The following ZNF678 variants were observed in gnomAD, a reference collection of about 807,000 sequenced individuals.
The protein encoded by ZNF678 is hypothetical protein MGC42493.
Under a neutral mutation model 3.0 loss-of-function variants are expected in ZNF678, and 5 were observed. The ratio of observed to expected loss-of-function variants is 1.69; its 90% CI spans 0.88 to 3.56. The LOEUF is 3.56. Among genes scored for constraint, ZNF678 ranks in the 30% most tolerant of loss-of-function variants. The pLI is 0.00. For missense variants in ZNF678, 593 were observed against 605.0 expected, an observed-to-expected ratio of 0.98 and a Z score of 0.21; for synonymous variants, 218 against 199.6, an observed-to-expected ratio of 1.09 and a Z score of -0.78.
At chr1:227,632,487 C>T (rs1658571446) in intron 1 of ZNF678, among the ~76,000 whole-genome samples, 1 of 152,108 alleles carries the variant, frequency 6.6e-6, no homozygotes, top group Non-Finnish European at 1.5e-5. Flanking sequence ...TCTCGACCGG[C>T]CAATGCTGTG....
chr1:227,563,961 A>G (rs1053879595), intron 1 of ZNF678, among the ~76,000 whole-genome samples: 1 of 152,220 alleles, frequency 6.6e-6, no homozygotes. Context: ...TGCTTTGTCC[A>G]GAGGGGAGGG....
rs115138381 is a variant in ZNF678 at position 227,632,262 on chromosome 1, A to G, written c.-163-14282A>G. Among the ~76,000 whole-genome samples the G allele has an allele frequency of 4.0e-3, 614 of 152,282 alleles. 5 individuals carry two copies. Among genetic ancestry groups the G allele is most frequent in the African/African-American group, 0.014 (583 of 41,546 alleles). Reference sequence around the variant, plus strand: ...AGCTTCCTTAGATCCCTTTGAAGTTACAAATTGCTCTAATACTTGGGAGAG... The same window carrying G: ...AGCTTCCTTAGATCCCTTTGAAGTTGCAAATTGCTCTAATACTTGGGAGAG... On this transcript the variant is annotated intron_variant, in intron 1 of 3. Coordinates refer to ENST00000343776, the MANE Select transcript of ZNF678 (RefSeq NM_001367909.1).
chr1:227,671,559 A>G (rs1295252030), intron 5 of ZNF678, among the ~76,000 whole-genome samples: 1 of 152,170 alleles, frequency 6.6e-6, no homozygotes, highest in East Asian at 1.9e-4. Flanking sequence ...TCTCCATCCA[A>G]CACTTGCAGG....
chr1:227,594,062 G>A (rs1407819556), intron 1 of ZNF678, among the ~76,000 whole-genome samples: 2 of 151,986 alleles, frequency 1.3e-5, no homozygotes, highest in East Asian at 3.8e-4. Context: ...AAAGGAAAGT[G>A]GAAGATAAAT....
At chr1:227,631,107 T>C (rs1252709179) in intron 1 of ZNF678, among the ~76,000 whole-genome samples, 1 of 152,110 alleles carries the variant, frequency 6.6e-6, no homozygotes, top group Non-Finnish European at 1.5e-5. Context: ...AGAATACATC[T>C]TAGGGGCGTT....
chr1:227,606,841 A>G (rs377558569), intron 1 of ZNF678, among the ~76,000 whole-genome samples: 1 of 152,288 alleles, frequency 6.6e-6, no homozygotes, highest in African/African-American at 2.4e-5. Flanking sequence ...ACAGCCCCAA[A>G]TCCCTTAAAC....
chr1:227,635,033 T>C (rs10916186), intron 1 of ZNF678, among the ~76,000 whole-genome samples: 34,614 of 151,184 alleles, frequency 0.23, 4,382 homozygotes, highest in East Asian at 0.44. Context: ...GCAGAGACTC[T>C]GTTTGTTTTG....
chr1:227,638,969 G>A lies in ZNF678; in HGVS notation c.-163-7575G>A, dbSNP rs148698890. On this transcript the variant is annotated intron_variant, in intron 1 of 3. Transcript: ENST00000343776. The surrounding 1 kb of genome is among the most constrained non-coding windows in gnomAD (Gnocchi z 4.2). ...TTGCCACCATCAGGGTTACCACTTG[G>A]CTCGGATGAAGCGATGGTAGTTGCC... Among the ~76,000 whole-genome samples, 1 of 152,330 alleles carries A rather than the reference G, an allele frequency of 6.6e-6. No individual in the cohort carries two copies. Among genetic ancestry groups the A allele is most frequent in the East Asian group, 1.9e-4 (1 of 5,182 alleles).
At chr1:227,598,790 A>G (rs1220272613) in intron 1 of ZNF678, 6 of 546,238 alleles carry the variant, frequency 1.1e-5, no homozygotes, top group Admixed American at 2.7e-5. Context: ...CTTGTTTCTT[A>G]TCCTCATTTT....
chr1:227,676,082 A>G (rs1289090278), intron 5 of ZNF678, among the ~76,000 whole-genome samples: 1 of 152,220 alleles, frequency 6.6e-6, no homozygotes. Context: ...TGCTTGGGAC[A>G]TTTAACAATT....
At chr1:227,607,365 T>TACC (rs1657900407) in intron 1 of ZNF678, among the ~76,000 whole-genome samples, 2 of 152,288 alleles carry the variant, frequency 1.3e-5, no homozygotes, top group South Asian at 4.1e-4. Flanking sequence ...ACTTCATACC[T>TACC]ACCACTCAGA....
At chr1:227,599,723 GAATT>G (rs1447109117) in intron 1 of ZNF678, among the ~76,000 whole-genome samples, 1 of 152,010 alleles carries the variant, frequency 6.6e-6, no homozygotes, top group Non-Finnish European at 1.5e-5. Flanking sequence ...AATCTTTGAA[GAATT>G]AATAAACACC....
At chr1:227,591,289 A>G (rs1657407257) in intron 1 of ZNF678, among the ~76,000 whole-genome samples, 2 of 147,494 alleles carry the variant, frequency 1.4e-5, no homozygotes, top group African/African-American at 5.1e-5. Context: ...AAGGGTTATT[A>G]CTAGTTCTAA....
chr1:227,565,335 A>T (rs1330285469), intron 1 of ZNF678, among the ~76,000 whole-genome samples: 1 of 151,910 alleles, frequency 6.6e-6, no homozygotes, highest in Non-Finnish European at 1.5e-5. Flanking sequence ...AAGCGTTGGG[A>T]TTACAGGGGC....
chr1:227,643,863 C>CTTTTTTT (rs554280668), intron 1 of ZNF678, among the ~76,000 whole-genome samples: 13 of 115,422 alleles, frequency 1.1e-4, no homozygotes, highest in South Asian at 2.9e-4. Flanking sequence ...CTTTTCTTTT[C>CTTTTTTT]TTTTTTTTTT....
At chr1:227,579,518 A>G (rs1657069270) in intron 1 of ZNF678, among the ~76,000 whole-genome samples, 1 of 152,160 alleles carries the variant, frequency 6.6e-6, no homozygotes, top group African/African-American at 2.4e-5. Flanking sequence ...CAATTAAAGT[A>G]AAACCTGCCC....
At chr1:227,611,726 G>T (rs1658024827) in intron 1 of ZNF678, among the ~76,000 whole-genome samples, 2 of 152,172 alleles carry the variant, frequency 1.3e-5, no homozygotes, top group African/African-American at 4.8e-5. Flanking sequence ...CTCACAGTGG[G>T]CTTTTGGTGT....
At chr1:227,675,244 G>A (rs1185996077) in intron 5 of ZNF678, among the ~76,000 whole-genome samples, 1 of 152,074 alleles carries the variant, frequency 6.6e-6, no homozygotes, top group Non-Finnish European at 1.5e-5. Flanking sequence ...CTCCACTCCT[G>A]CCCATCCTGT....
At chr1:227,577,267 G>A (rs1420762023) in intron 1 of ZNF678, among the ~76,000 whole-genome samples, 1 of 152,192 alleles carries the variant, frequency 6.6e-6, no homozygotes, top group East Asian at 1.9e-4. Context: ...ATGTGATCCA[G>A]TGCTGAGTTC....
Sources: allele counts gnomAD v4.1 joint callset (sites outside exome capture counted in the v4.1 genomes callset), GRCh38; gene constraint gnomAD v4.1.1; non-coding constraint Gnocchi (gnomAD v3.1); transcripts MANE v1.5; gene names NCBI Gene and HGNC (gene_info 2026-07-23, HGNC 2026-07-21).